Variants in CACNA2D4 observed in about 807,000 individuals in gnomAD.
The protein encoded by CACNA2D4 is voltage-dependent calcium channel subunit alpha-2/delta-4.
A neutral mutation model predicts 163.8 loss-of-function variants in CACNA2D4; 157 were observed. The observed-to-expected ratio is 0.96, with a 90% CI of 0.84 to 1.09. CACNA2D4 has a LOEUF of 1.09. CACNA2D4 is among the 50% of genes least tolerant of loss of function. CACNA2D4 has a pLI of 0.00. For missense variants in CACNA2D4, 1,410 were observed against 1,479.9 expected, an observed-to-expected ratio of 0.95 and a Z score of 0.78; for synonymous variants, 598 against 586.9, an observed-to-expected ratio of 1.02 and a Z score of -0.27.
intron 29 of CACNA2D4, chr12:1,809,514 A>G (rs751296501): frequency 5.7e-6 from 4 of 702,694 alleles, no homozygotes; most frequent in Admixed American, 4.0e-5. Context: ...TCTGGTGAAT[A>G]TATCTGGATT....
In CACNA2D4 at chr12:1,854,076, A is replaced by G. The variant is rs763837098; in HGVS notation, c.2153-32T>C. On this transcript the variant is annotated intron_variant, in intron 22 of 37. Transcript: ENST00000382722. Reference sequence around the variant, plus strand: ...GCAAAACATCAGGGAACCAGGCCACATGCTTCCTCCATGCTCATGAACACA... The same window carrying G: ...GCAAAACATCAGGGAACCAGGCCACGTGCTTCCTCCATGCTCATGAACACA... The G allele has an allele frequency of 5.9e-6, 9 of 1,512,890 alleles. No homozygotes were observed. In the South Asian group the frequency reaches 9.5e-5, roughly 16 times the overall value. 93.7% of individuals were successfully genotyped at this position (1,512,890 alleles called of 1,614,324 possible). A position where few individuals can be genotyped will look rare whatever the true frequency, so the allele number is the denominator to read the frequency against.
chr12:1,803,609 T>C (rs1863412654), intron 29 of CACNA2D4, among the ~76,000 whole-genome samples: 1 of 152,156 alleles, frequency 6.6e-6, no homozygotes, highest in East Asian at 1.9e-4. Context: ...AATCTAAAAA[T>C]GGAGGGTCAA....
Position 1,802,080 on chromosome 12 carries a change from G to A in CACNA2D4, c.2722-436C>T, listed in dbSNP as rs957006882. 1.3e-5 allele frequency among the ~76,000 whole-genome samples: 2 copies of A among 148,694 alleles called. No individual in the cohort carries two copies. Among genetic ancestry groups the A allele is most frequent in the East Asian group, 2.0e-4 (1 of 4,880 alleles). ...GTGTGTTGGGTCAGATATAAAACAC[G>A]TTTCTGCAGGTCAAGGTCAGAAGCA... On this transcript the variant is annotated intron_variant, in intron 29 of 37. Transcript: ENST00000382722. The surrounding 1 kb of genome is among the most constrained non-coding windows in gnomAD (Gnocchi z 4.7).
Position 1,869,075 on chromosome 12 carries a change from G to A in CACNA2D4, c.1878+5529C>T, listed in dbSNP as rs1383716102. On this transcript the variant is annotated intron_variant, in intron 18 of 37. Coordinates refer to ENST00000382722, the MANE Select transcript of CACNA2D4 (RefSeq NM_172364.5). The surrounding 1 kb of genome is among the most constrained non-coding windows in gnomAD (Gnocchi z 4.7). Reference sequence around the variant, plus strand: ...ATGCTGAGGGATGACTGCGCATCACGTTGTGCACCTTAAATATATACAATC... The same window carrying A: ...ATGCTGAGGGATGACTGCGCATCACATTGTGCACCTTAAATATATACAATC... Among the ~76,000 whole-genome samples the A allele has an allele frequency of 6.6e-5, 10 of 152,118 alleles. No homozygotes were observed. The highest frequency in any genetic ancestry group is 1.5e-4 in the Non-Finnish European group (10 of 68,024).
At chr12:1,900,097 C>T (rs1269081438) in intron 6 of CACNA2D4, among the ~76,000 whole-genome samples, 1 of 152,126 alleles carries the variant, frequency 6.6e-6, no homozygotes, top group African/African-American at 2.4e-5. Context: ...TGCTAGACCA[C>T]TATGAAATAC....
intron 26 of CACNA2D4, 125 bp downstream of exon 26, chr12:1,840,614 T>C: frequency 1.4e-6 from 1 of 716,162 alleles, no homozygotes; most frequent in Non-Finnish European, 2.4e-6. Flanking sequence ...CTTCCACCCA[T>C]CCCACATTCC....
At chr12:1,912,829 C>T (rs990337649) in intron 3 of CACNA2D4, among the ~76,000 whole-genome samples, 194 bp downstream of exon 3, 3 of 152,182 alleles carry the variant, frequency 2.0e-5, no homozygotes, top group Non-Finnish European at 4.4e-5. Context: ...CTCTTGCTTC[C>T]TGTCATTTCC....
intron 26 of CACNA2D4, among the ~76,000 whole-genome samples, chr12:1,819,128 A>C (rs1266946763): frequency 6.6e-6 from 1 of 151,918 alleles, no homozygotes; most frequent in African/African-American, 2.4e-5. Flanking sequence ...TGTTCCGGGG[A>C]AACGTCACCT....
At chr12:1,825,625 C>G (rs558419379) in intron 26 of CACNA2D4, among the ~76,000 whole-genome samples, 1 of 152,164 alleles carries the variant, frequency 6.6e-6, no homozygotes, top group Non-Finnish European at 1.5e-5. Flanking sequence ...CATGTGGGCA[C>G]ATGTATGTTA....
chr12:1,842,506 C>T (rs571788472), intron 25 of CACNA2D4, among the ~76,000 whole-genome samples: 44 of 152,210 alleles, frequency 2.9e-4, no homozygotes, highest in African/African-American at 9.4e-4. Flanking sequence ...GTGCGCTGAG[C>T]GAGTGAGTGG....
At chr12:1,886,832 A>G (rs535877692) in intron 7 of CACNA2D4, among the ~76,000 whole-genome samples, 177 bp downstream of exon 7, 1 of 152,260 alleles carries the variant, frequency 6.6e-6, no homozygotes, top group East Asian at 1.9e-4. Flanking sequence ...AGGCAATTGT[A>G]GAGGGAAGGG....
At chr12:1,809,696 G>A in intron 29 of CACNA2D4, 1 of 629,204 alleles carries the variant, frequency 1.6e-6, no homozygotes, top group South Asian at 1.9e-5. Context: ...GCGGGGGCGG[G>A]GGGAGGATTA....
intron 1 of CACNA2D4, 57 bp downstream of exon 1, chr12:1,918,190 G>T: frequency 1.5e-6 from 2 of 1,338,686 alleles, no homozygotes; most frequent in Admixed American, 2.1e-5. Flanking sequence ...CCCAGCCCGG[G>T]AAGAAAGTGG....
intron 13 of CACNA2D4, among the ~76,000 whole-genome samples, chr12:1,882,026 C>T (rs1592731349): frequency 6.6e-6 from 1 of 152,232 alleles, no homozygotes; most frequent in African/African-American, 2.4e-5. Context: ...TGGCAAGAGT[C>T]CCTGCAAGTT....
intron 6 of CACNA2D4, among the ~76,000 whole-genome samples, chr12:1,898,619 A>G (rs901025668): frequency 5.3e-5 from 8 of 152,174 alleles, no homozygotes; most frequent in Non-Finnish European, 1.2e-4. Context: ...GCTGGCAAGG[A>G]TTTAGAAAAG....
chr12:1,846,644 A>G lies in CACNA2D4; in HGVS notation c.2292T>C (p.Ala764=). The change falls in exon 24 of 38, where the codon GCT becomes GCC. Residue 764 remains alanine, a synonymous_variant. Transcript: ENST00000382722. The part of the protein sequence containing the change: ...VVDMAFLGTR[A]GLLRSSLFVG... Reference sequence around the variant, plus strand: ...CGAACAAGCTGCTTCTCAGGAGGCCAGCCCGGGTGCCCAGGAAGGCCATGT... The same window carrying G: ...CGAACAAGCTGCTTCTCAGGAGGCCGGCCCGGGTGCCCAGGAAGGCCATGT... The G allele has an allele frequency of 6.2e-7, 1 of 1,605,076 alleles. No individual in the cohort carries two copies. The highest frequency in any genetic ancestry group is 1.1e-5 in the South Asian group (1 of 89,434).
At chr12:1,866,897 C>T (rs566039650) in intron 18 of CACNA2D4, among the ~76,000 whole-genome samples, 2 of 151,526 alleles carry the variant, frequency 1.3e-5, no homozygotes, top group African/African-American at 2.4e-5. Context: ...CCTCCCAAAA[C>T]GCTGGGATTA....
chr12:1,802,318 C>T lies in CACNA2D4; in HGVS notation c.2722-674G>A, dbSNP rs1372457144. ...CTCTCCTCTTGTCCCTGTGGCACTGCCAGAGTCATCTTACTCAAATGCAAC... is the reference window on the plus strand; with the variant it reads ...CTCTCCTCTTGTCCCTGTGGCACTGTCAGAGTCATCTTACTCAAATGCAAC... On this transcript the variant is annotated intron_variant, in intron 29 of 37. Transcript: ENST00000382722. The surrounding 1 kb of genome is among the most constrained non-coding windows in gnomAD (Gnocchi z 4.7). Among the ~76,000 whole-genome samples the T allele has an allele frequency of 6.6e-6, 1 of 152,168 alleles. No individual in the cohort carries two copies. Among genetic ancestry groups the T allele is most frequent in the Non-Finnish European group, 1.5e-5 (1 of 68,016 alleles).
At chr12:1,892,078 C>T (rs77656151) in intron 6 of CACNA2D4, among the ~76,000 whole-genome samples, 3,797 of 124,420 alleles carry the variant, frequency 0.031, 78 homozygotes, top group Middle Eastern at 0.06. Flanking sequence ...GCTCATAGAT[C>T]CCCAAACAGA....
Sources: gnomAD v4.1 joint callset for allele counts (sites outside exome capture counted in the v4.1 genomes callset) on GRCh38, gnomAD v4.1.1 for gene constraint, Gnocchi (gnomAD v3.1) non-coding constraint, MANE v1.5 for transcripts, NCBI Gene and HGNC (gene_info 2026-07-23, HGNC 2026-07-21) for gene names.